UGT1A4: variants seen among roughly 807,000 people sequenced by gnomAD.
UGT1A4 encodes UDP-glucuronosyltransferase 1A4.
A neutral mutation model predicts 41.1 loss-of-function variants in UGT1A4; 32 were observed. That is an observed-to-expected ratio of 0.78 (90% CI 0.59 to 1.05). The LOEUF (loss-of-function observed/expected upper bound fraction) is 1.05. Among genes scored for constraint, UGT1A4 ranks in the 50% least tolerant of loss-of-function variants. The pLI, the probability that UGT1A4 is intolerant of heterozygous loss-of-function variation, is 0.00. For synonymous variants in UGT1A4, 283 were observed against 265.1 expected (o/e 1.07, Z -0.66); for missense variants, 748 against 677.4 (o/e 1.10, Z -1.16).
At chr2:233,722,224 A>G (rs2077000987) in intron 1 of UGT1A4, among the ~76,000 whole-genome samples, 1 of 152,140 alleles carries the variant, frequency 6.6e-6, no homozygotes, top group Non-Finnish European at 1.5e-5. Context: ...TTACACCAAA[A>G]TCTTTATCAT....
At chr2:233,729,744 A>T (rs2077917790) in intron 1 of UGT1A4, 3 of 1,613,828 alleles carry the variant, frequency 1.9e-6, no homozygotes, top group African/African-American at 1.3e-5. Context: ...ACCACATGAC[A>T]TTCATGCAAA....
chr2:233,764,256 T>A (rs367961142), intron 1 of UGT1A4, among the ~76,000 whole-genome samples: 39 of 152,260 alleles, frequency 2.6e-4, no homozygotes, highest in African/African-American at 9.4e-4. Context: ...TCAGTTAATA[T>A]GTTGCTTCAC....
At chr2:233,734,280 C>A (rs2078507648) in intron 1 of UGT1A4, among the ~76,000 whole-genome samples, 1 of 152,066 alleles carries the variant, frequency 6.6e-6, no homozygotes, top group South Asian at 2.1e-4. Flanking sequence ...GGAATTTATC[C>A]ATTTCTTCTA....
At chr2:233,763,196 G>C (rs1166459393) in intron 1 of UGT1A4, among the ~76,000 whole-genome samples, 1 of 152,152 alleles carries the variant, frequency 6.6e-6, no homozygotes, top group Non-Finnish European at 1.5e-5. Context: ...TGCCTTGTTT[G>C]GTGCAGTCAG....
intron 1 of UGT1A4, chr2:233,754,156 G>C (rs1695408372): frequency 6.5e-6 from 1 of 153,422 alleles, no homozygotes; most frequent in African/African-American, 2.4e-5. Flanking sequence ...AATTAAGCCA[G>C]AGTATTAATA....
Position 233,745,112 on chromosome 2 carries a change from G to A in UGT1A4, c.868-21922G>A, listed in dbSNP as rs1457181143. Among the ~76,000 whole-genome samples the A allele has an allele frequency of 3.3e-5, 5 of 151,730 alleles. No individual in the cohort carries two copies. In the South Asian group the frequency reaches 8.3e-4, roughly 25 times the overall value. On this transcript the variant is annotated intron_variant, in intron 1 of 4. Coordinates refer to ENST00000373409, the MANE Select transcript of UGT1A4 (RefSeq NM_007120.3). ...TCCCCCCAAATATTTTTAATCTGCT[G>A]TTGGCTGAATCTGCAGATGTGAAGC...
chr2:233,761,251 A>C, intron 1 of UGT1A4: 1 of 1,608,190 alleles, frequency 6.2e-7, no homozygotes. Flanking sequence ...AAGCATTCTG[A>C]GATAATTTAA....
intron 1 of UGT1A4, among the ~76,000 whole-genome samples, chr2:233,727,663 T>C (rs1439134101): frequency 6.6e-6 from 1 of 152,170 alleles, no homozygotes; most frequent in Non-Finnish European, 1.5e-5. Context: ...GTGCTCTATG[T>C]CCTTACAAAT....
chr2:233,743,424 A>G, intron 1 of UGT1A4: 2 of 1,346,302 alleles, frequency 1.5e-6, no homozygotes, highest in South Asian at 2.3e-5. Context: ...CCAGGGAGCC[A>G]AAGGAACGAA....
chr2:233,732,680 C>G (rs899691828), intron 1 of UGT1A4, among the ~76,000 whole-genome samples: 5 of 151,938 alleles, frequency 3.3e-5, no homozygotes, highest in South Asian at 2.1e-4. Flanking sequence ...TGTTTTGGTA[C>G]CAGCACCCAT....
At chr2:233,760,285 G>C (rs376515645) in intron 1 of UGT1A4, 1 of 1,612,934 alleles carries the variant, frequency 6.2e-7, no homozygotes, top group East Asian at 2.2e-5. Flanking sequence ...GAGCAAAGGC[G>C]CCATGGCTGT....
At chr2:233,736,815 C>T (rs924470141) in intron 1 of UGT1A4, among the ~76,000 whole-genome samples, 1 of 152,206 alleles carries the variant, frequency 6.6e-6, no homozygotes, top group African/African-American at 2.4e-5. Context: ...GAGGTCCACT[C>T]CAGATGCTCT....
rs988278598 is a variant in UGT1A4, at chr2:233,758,928, G to A, written c.868-8106G>A. Among the ~76,000 whole-genome samples the A allele has an allele frequency of 5.9e-5, 9 of 152,130 alleles. 1 individual carries two copies. The highest frequency in any genetic ancestry group is 3.3e-4 in the Admixed American group (5 of 15,276). On this transcript the variant is annotated intron_variant, in intron 1 of 4. Coordinates refer to ENST00000373409, the MANE Select transcript of UGT1A4 (RefSeq NM_007120.3). Reference sequence around the variant, plus strand: ...TTGTTTTTGCTCATCTTTCCCTTTTGACTTCAAATCAGTCATCAGAATTTC... The same window carrying A: ...TTGTTTTTGCTCATCTTTCCCTTTTAACTTCAAATCAGTCATCAGAATTTC...
rs59292838 is a variant in UGT1A4, at chr2:233,748,466, A to G, written c.868-18568A>G. On this transcript the variant is annotated intron_variant, in intron 1 of 4. Transcript: ENST00000373409. ...ACAATTTTCAGGGGAAAGATGATGC[A>G]ACAGCAAATTACAATTGTTAATGTG... is the stretch of plus-strand genomic sequence containing the variant. Among the ~76,000 whole-genome samples, 894 of 151,982 alleles carry G rather than the reference A, an allele frequency of 5.9e-3. 32 individuals carry two copies. The highest frequency in any genetic ancestry group is 0.021 in the African/African-American group (860 of 41,252).
intron 1 of UGT1A4, chr2:233,721,756 A>G (rs2076969655): frequency 2.2e-6 from 1 of 460,672 alleles, no homozygotes. Flanking sequence ...ATCTACATCT[A>G]AATTGTTATA....
intron 1 of UGT1A4, chr2:233,747,082 G>A (rs1458761598): frequency 2.6e-6 from 3 of 1,146,350 alleles, no homozygotes; most frequent in Non-Finnish European, 3.6e-6. Flanking sequence ...TTAACTAGGA[G>A]GAGAGCACTC....
chr2:233,729,701 C>G, intron 1 of UGT1A4: 1 of 1,613,960 alleles, frequency 6.2e-7, no homozygotes. Flanking sequence ...AACCCTTCCT[C>G]CTATATTCCT....
At chr2:233,756,557 G>C (rs1264520005) in intron 1 of UGT1A4, among the ~76,000 whole-genome samples, 1 of 152,134 alleles carries the variant, frequency 6.6e-6, no homozygotes, top group Admixed American at 6.6e-5. Flanking sequence ...CAACCAGGGA[G>C]ATCCTCTCAG....
rs1429453691 is a variant in UGT1A4, at chr2:233,751,746, G to C, written c.868-15288G>C. ...AACTCTTCCTCTCTGTTTCTCTCTT[G>C]CTTGCTGCCATGTGAGACATGACTT... On this transcript the variant is annotated intron_variant, in intron 1 of 4. Transcript: ENST00000373409. Among the ~76,000 whole-genome samples, 3 of 152,060 alleles carry C rather than the reference G, an allele frequency of 2.0e-5. No homozygotes were observed. The East Asian group carries it at 5.8e-4, about 29-fold the overall frequency.
Sources: gnomAD v4.1 joint callset for allele counts (sites outside exome capture counted in the v4.1 genomes callset) on GRCh38, gnomAD v4.1.1 for gene constraint, MANE v1.5 for transcripts, NCBI Gene and HGNC (gene_info 2026-07-23, HGNC 2026-07-21) for gene names.